The following GHRHR variants were observed in gnomAD, a reference collection of about 807,000 sequenced individuals.
GHRHR encodes growth hormone releasing hormone receptor.
A neutral mutation model predicts 58.3 loss-of-function variants in GHRHR; 40 were observed. That is an observed-to-expected ratio of 0.69 (90% confidence interval 0.53 to 0.89). The LOEUF is 0.89. Among genes scored for constraint, GHRHR ranks in the 40% least tolerant of loss-of-function variants. The pLI, the probability that GHRHR is intolerant of heterozygous loss-of-function variation, is 0.00. For synonymous variants in GHRHR, 249 were observed against 216.6 expected (o/e 1.15, Z -1.31); for missense variants, 551 against 541.3 (o/e 1.02, Z -0.18).
chr7:30,965,422 T>TG (rs3216471), intron 1 of GHRHR, among the ~76,000 whole-genome samples: 241 of 151,852 alleles, frequency 1.6e-3, no homozygotes, highest in Non-Finnish European at 2.7e-3. Flanking sequence ...ACGATGTGTG[T>TG]GGGGGGGTGA....
chr7:30,974,351 T>G, intron 7 of GHRHR, 78 bp from the exon 8 acceptor site: 1 of 1,174,172 alleles, frequency 8.5e-7, no homozygotes, highest in Non-Finnish European at 1.3e-6. Context: ...TGGCTGATGG[T>G]GGTGGTGGGA....
rs919929383 is a variant in GHRHR at position 30,974,264 on chromosome 7, G to A, written c.751+126G>A. 48 of 1,213,952 alleles carry A rather than the reference G, an allele frequency of 4.0e-5. 2 individuals carry two copies. The highest frequency in any genetic ancestry group is 3.0e-4 in the South Asian group (24 of 81,016). The allele number at this position is 1,213,952 out of a possible 1,614,324, so 75.2% of individuals were successfully genotyped here. Reference sequence around the variant, plus strand: ...GAAGGAGAGGGACAGGCCACAGTCCGGCAGCAAGTGTTGGAGGGTGGGACC... The same window carrying A: ...GAAGGAGAGGGACAGGCCACAGTCCAGCAGCAAGTGTTGGAGGGTGGGACC... On this transcript the variant is annotated intron_variant, in intron 7 of 12. Transcript: ENST00000326139.
chr7:30,972,874 C>T (rs768150001), intron 6 of GHRHR, among the ~76,000 whole-genome samples: 2 of 152,226 alleles, frequency 1.3e-5, no homozygotes, highest in Admixed American at 6.5e-5. Flanking sequence ...ATACTTCATA[C>T]TGAGCACTTA....
At chr7:30,975,091 A>G in intron 9 of GHRHR, 51 bp downstream of exon 9, 1 of 1,216,274 alleles carries the variant, frequency 8.2e-7, no homozygotes, top group Admixed American at 1.7e-5. Context: ...CTTCCCTGGA[A>G]CTACTGACGG....
At chr7:30,968,753 C>T in intron 1 of GHRHR, 81 bp from the exon 2 acceptor site, 1 of 898,576 alleles carries the variant, frequency 1.1e-6, no homozygotes, top group Non-Finnish European at 1.9e-6. Context: ...AGGCCTTGTC[C>T]CTGTTCTCAG....
In GHRHR at chr7:30,974,358, G is replaced by T; in HGVS notation, c.752-71G>T. The T allele has an allele frequency of 2.5e-6, 3 of 1,216,638 alleles. No homozygotes were observed. In the South Asian group the frequency reaches 3.6e-5, roughly 15 times the overall value. 75.4% of individuals were successfully genotyped at this position (1,216,638 alleles called of 1,614,324 possible). ...GCCCTACGTGGCTGATGGTGGTGGT[G>T]GGAGGTGGCGCCAGATCTCAGAGTC... is the stretch of plus-strand genomic sequence containing the variant. On this transcript the variant is annotated intron_variant, in intron 7 of 12. Transcript: ENST00000326139.
rs779985124 is a variant in GHRHR at position 30,972,103 on chromosome 7, C to T, written c.597+8C>T. 1 of 1,613,742 alleles carries T rather than the reference C, an allele frequency of 6.2e-7. No individual in the cohort carries two copies. The highest frequency in any genetic ancestry group is 8.5e-7 in the Non-Finnish European group (1 of 1,179,896). The stretch of plus-strand genomic sequence containing the variant: ...CACTGCAGCTTCTCCACTGTAATGG[C>T]CATGGGTGAAGGGGCTGGGCAGGTG... On this transcript the variant is annotated splice_region_variant and intron_variant, in intron 6 of 12. Coordinates refer to ENST00000326139, the MANE Select transcript of GHRHR (RefSeq NM_000823.4).
chr7:30,974,602 C>A, intron 8 of GHRHR, 113 bp downstream of exon 8: 1 of 813,982 alleles, frequency 1.2e-6, no homozygotes, highest in Non-Finnish European at 2.2e-6. Flanking sequence ...AGGGACTGCC[C>A]GGCTAGGATG....
In GHRHR at chr7:30,972,128, G is replaced by C. The variant is rs183147834; in HGVS notation, c.597+33G>C. The C allele has an allele frequency of 6.2e-6, 10 of 1,610,942 alleles. No individual in the cohort carries two copies. In the East Asian group the frequency reaches 8.9e-5, roughly 14 times the overall value. On this transcript the variant is annotated intron_variant, in intron 6 of 12. Coordinates refer to ENST00000326139, the MANE Select transcript of GHRHR (RefSeq NM_000823.4). Reference sequence around the variant, plus strand: ...CCATGGGTGAAGGGGCTGGGCAGGTGGGGGAGAGAGGAGGTAGGATTACAG... The same window carrying C: ...CCATGGGTGAAGGGGCTGGGCAGGTCGGGGAGAGAGGAGGTAGGATTACAG...
In GHRHR at chr7:30,971,123, CT is replaced by C; in HGVS notation, c.373del (p.Tyr125ThrfsTer5). The C allele has an allele frequency of 7.0e-7, 1 of 1,425,762 alleles. No homozygotes were observed. Among genetic ancestry groups the C allele is most frequent in the Non-Finnish European group, 9.7e-7 (1 of 1,031,494 alleles). The allele number at this position is 1,425,762 out of a possible 1,614,324, so 88.3% of individuals were successfully genotyped here. On this transcript the variant is annotated frameshift_variant, in exon 5 of 13. Transcript: ENST00000326139. LOFTEE classifies it high-confidence loss of function. The stretch of plus-strand genomic sequence containing the variant: ...TTCTGTCTCTGCCCTTCCCAGGAAT[CT>C]TACTTCTCCACAGTGAAGATTATCT... ...VPLELLAEEE[S>X]YFSTVKIIYT...
chr7:30,971,746 T>C (rs1227388736), intron 5 of GHRHR, among the ~76,000 whole-genome samples: 1 of 152,292 alleles, frequency 6.6e-6, no homozygotes, highest in East Asian at 1.9e-4. Flanking sequence ...AGGGACCAGA[T>C]ATTCCTCTCT....
At chr7:30,978,614 AC>A (rs372898017) in intron 12 of GHRHR, among the ~76,000 whole-genome samples, 1 of 151,054 alleles carries the variant, frequency 6.6e-6, no homozygotes, top group Non-Finnish European at 1.5e-5. Context: ...CAGCACCCCC[AC>A]CCCCCAATCC....
At chr7:30,972,526 G>A (rs757216204) in intron 6 of GHRHR, among the ~76,000 whole-genome samples, 4 of 152,156 alleles carry the variant, frequency 2.6e-5, no homozygotes, top group Non-Finnish European at 5.9e-5. Context: ...GAAGCTGAGA[G>A]CTAGGAGAGA....
rs573168850 is a variant in GHRHR at position 30,964,079 on chromosome 7, G to A, written c.11G>A (p.Arg4Gln). The stretch of plus-strand genomic sequence containing the variant: ...ACTGCTGGGCTCACCATGGACCGCC[G>A]GATGTGGGGGGCCCACGTCTTCTGC... MDRRMWGAHVFCVL... is the reference protein window; with the variant it reads MDRQMWGAHVFCVL... Residue 4 changes from arginine (R) to glutamine (Q), a missense_variant, in exon 1 of 13, where the codon CGG becomes CAG. Physicochemically the swap from Arg to Gln is conservative, Grantham distance 43. Coordinates refer to ENST00000326139, the MANE Select transcript of GHRHR (RefSeq NM_000823.4). The A allele has an allele frequency of 2.3e-5, 35 of 1,550,576 alleles. No individual in the cohort carries two copies. Among genetic ancestry groups the A allele is most frequent in the Admixed American group, 2.0e-4 (10 of 51,016 alleles).
intron 1 of GHRHR, among the ~76,000 whole-genome samples, chr7:30,964,863 C>A (rs1792309252): frequency 6.6e-6 from 1 of 152,166 alleles, no homozygotes; most frequent in South Asian, 2.1e-4. Context: ...CAAGTGACAG[C>A]AGGGACCAGG....
At chr7:30,979,011 A>C in intron 12 of GHRHR, 108 bp from the exon 13 acceptor site, 1 of 1,041,532 alleles carries the variant, frequency 9.6e-7, no homozygotes, top group African/African-American at 1.6e-5. Flanking sequence ...TTCCTGCCCC[A>C]TGTCTCTGTT....
At chr7:30,974,266 C>G in intron 7 of GHRHR, 128 bp downstream of exon 7, 1 of 1,216,786 alleles carries the variant, frequency 8.2e-7, no homozygotes, top group Non-Finnish European at 1.2e-6. Flanking sequence ...CACAGTCCGG[C>G]AGCAAGTGTT....
intron 1 of GHRHR, among the ~76,000 whole-genome samples, chr7:30,968,581 G>A (rs74859872): frequency 0.041 from 6,022 of 146,278 alleles, 266 homozygotes; most frequent in African/African-American, 0.1. Context: ...CACAAGAGAG[G>A]ATTAGACCTT....
Position 30,971,976 on chromosome 7 carries a change from C to T in GHRHR, c.478C>T (p.Pro160Ser). The T allele has an allele frequency of 6.2e-7, 1 of 1,613,990 alleles. No homozygotes were observed. The highest frequency in any genetic ancestry group is 8.5e-7 in the Non-Finnish European group (1 of 1,179,936). ...CATTACCCCCAGGAGGCTCCACTGC[C>T]CCCGGAACTACGTCCACACCCAGCT... The part of the protein sequence containing the change: ...ILVALRRLHC[P>S]RNYVHTQLFT... Residue 160 changes from proline to serine, a missense_variant, in exon 6 of 13, where the codon CCC becomes TCC. By Grantham distance (74) the Pro-to-Ser change is moderately conservative (BLOSUM62 -1). Transcript: ENST00000326139.
Sources: allele counts gnomAD v4.1 joint callset (sites outside exome capture counted in the v4.1 genomes callset), GRCh38; gene constraint gnomAD v4.1.1; transcripts MANE v1.5; gene names NCBI Gene and HGNC (gene_info 2026-07-23, HGNC 2026-07-21).